The following REV3L variants were observed in gnomAD, a reference collection of about 807,000 sequenced individuals.
The protein encoded by REV3L is REV3 like, DNA directed polymerase zeta catalytic subunit, also known as DNA polymerase zeta catalytic subunit.
REV3L carries 69 observed loss-of-function variants against 299.4 expected under a neutral mutation model. That is an observed-to-expected ratio of 0.23 (90% CI 0.19 to 0.28). The LOEUF (loss-of-function observed/expected upper bound fraction) is 0.28. Among genes scored for constraint, REV3L ranks in the 10% least tolerant of loss-of-function variants. The pLI, the probability that REV3L is intolerant of heterozygous loss-of-function variation, is 1.00. For missense variants in REV3L, 3,128 were observed against 3,693.8 expected (o/e 0.85, Z 3.97); for synonymous variants, 1,238 against 1,271.4 (o/e 0.97, Z 0.56).
At chr6:111,343,671 A>G (rs1045534529) in intron 21 of REV3L, among the ~76,000 whole-genome samples, 5 of 152,318 alleles carry the variant, frequency 3.3e-5, no homozygotes, top group Admixed American at 1.3e-4. Flanking sequence ...CTGGGATTAC[A>G]GGCATGCATC....
At chr6:111,425,392 G>A (rs1179523154) in intron 1 of REV3L, among the ~76,000 whole-genome samples, 1 of 152,162 alleles carries the variant, frequency 6.6e-6, no homozygotes, top group Non-Finnish European at 1.5e-5. Context: ...CCGGCAGGCG[G>A]AGCTTGCAGT....
intron 10 of REV3L, 121 bp downstream of exon 10, chr6:111,381,202 TAG>T (rs1780794977): frequency 3.2e-6 from 3 of 949,706 alleles, no homozygotes; most frequent in Admixed American, 5.2e-5. Flanking sequence ...TCATATTCAG[TAG>T]AGTGTTTACT....
intron 26 of REV3L, among the ~76,000 whole-genome samples, chr6:111,316,217 C>A: frequency 1.4e-5 from 2 of 140,626 alleles, no homozygotes. Flanking sequence ...CAGCTTAGGA[C>A]TCCATCTAAA....
chr6:111,375,377 T>C lies in REV3L; in HGVS notation c.2978A>G (p.Lys993Arg). 6.3e-7 allele frequency: 1 copy of C among 1,594,460 alleles called. No individual in the cohort carries two copies. Among genetic ancestry groups the C allele is most frequent in the Non-Finnish European group, 8.5e-7 (1 of 1,173,964 alleles). The change falls in exon 13 of 32, where the codon AAG becomes AGG. Residue 993 changes from lysine (K) to arginine (R), a missense_variant. This residue lies in a region of REV3L where 2,409 missense variants were observed against 2,611.8 expected (regional missense o/e 0.92). Coordinates refer to ENST00000368802, the MANE Select transcript of REV3L (RefSeq NM_001372078.1). ...TTCTTTAGAGTCTATTTTTCCTAGCTTCACAAGCATATTTTTTCTCCCTCT... is the reference window on the plus strand; with the variant it reads ...TTCTTTAGAGTCTATTTTTCCTAGCCTCACAAGCATATTTTTTCTCCCTCT... ...RFRGRKNMLV[K>R]LGKIDSKEKQ...
At chr6:111,420,262 G>A (rs764019934) in intron 1 of REV3L, among the ~76,000 whole-genome samples, 18 of 152,268 alleles carry the variant, frequency 1.2e-4, no homozygotes, top group Middle Eastern at 3.4e-3. Flanking sequence ...CATAAAAATT[G>A]TACATATATA....
At chr6:111,351,635 G>T (rs1458542997) in intron 19 of REV3L, 41 bp downstream of exon 19, 2 of 1,433,532 alleles carry the variant, frequency 1.4e-6, no homozygotes, top group African/African-American at 1.4e-5. Flanking sequence ...TTTATAATTT[G>T]CTCTGTAGTT....
intron 1 of REV3L, among the ~76,000 whole-genome samples, chr6:111,450,555 T>C (rs1451711149): frequency 6.7e-6 from 1 of 148,822 alleles, no homozygotes; most frequent in Non-Finnish European, 1.5e-5. Context: ...GGCTTATATA[T>C]GTATAACTTA....
intron 2 of REV3L, among the ~76,000 whole-genome samples, chr6:111,414,356 A>G (rs17510562): frequency 0.012 from 1,792 of 152,238 alleles, 29 homozygotes; most frequent in African/African-American, 0.042. Flanking sequence ...CTTGGATAGC[A>G]GAGGAACTGA....
intron 27 of REV3L, among the ~76,000 whole-genome samples, 157 bp downstream of exon 27, chr6:111,315,110 G>A (rs1056804419): frequency 3.9e-5 from 6 of 152,090 alleles, no homozygotes; most frequent in Non-Finnish European, 7.4e-5. Flanking sequence ...TTGGCCTCCC[G>A]AAGTGCCAGG....
At position 111,476,349 on chromosome 6, in the gene REV3L, G is replaced by A. The variant is rs1228897338; in HGVS notation, c.139+6401C>T. Among the ~76,000 whole-genome samples, 6 of 152,046 alleles carry A rather than the reference G, an allele frequency of 3.9e-5. No individual in the cohort carries two copies. The East Asian group carries it at 9.6e-4, about 24-fold the overall frequency. On this transcript the variant is annotated intron_variant, in intron 1 of 31. Transcript: ENST00000368802. ...TTTTGTATTTTTTTGTAGAGATAGC[G>A]TCTTTCCATGTTGCCCAGGCTGGTC... is the stretch of plus-strand genomic sequence containing the variant.
At chr6:111,457,025 T>C (rs907413384) in intron 1 of REV3L, among the ~76,000 whole-genome samples, 6 of 152,136 alleles carry the variant, frequency 3.9e-5, no homozygotes, top group Non-Finnish European at 8.8e-5. Flanking sequence ...GTCTTAAATA[T>C]TTTATGCATT....
At chr6:111,333,471 G>A in intron 22 of REV3L, 104 bp from the exon 23 acceptor site, 1 of 1,310,004 alleles carries the variant, frequency 7.6e-7, no homozygotes, top group Middle Eastern at 2.2e-4. Flanking sequence ...GAATAAGATT[G>A]TATGACTTTT....
At chr6:111,400,491 A>G (rs1189466388) in intron 4 of REV3L, among the ~76,000 whole-genome samples, 1 of 152,136 alleles carries the variant, frequency 6.6e-6, no homozygotes, top group African/African-American at 2.4e-5. Flanking sequence ...TATAATGTTG[A>G]ATATCATCTT....
intron 26 of REV3L, among the ~76,000 whole-genome samples, chr6:111,317,295 AG>A (rs1210941978): frequency 1.3e-5 from 2 of 152,358 alleles, no homozygotes; most frequent in East Asian, 3.9e-4. Context: ...GGAAAAAAGT[AG>A]TTTATTCAAC....
chr6:111,364,698 T>C (rs1779034215), intron 15 of REV3L, among the ~76,000 whole-genome samples: 1 of 152,038 alleles, frequency 6.6e-6, no homozygotes, highest in Admixed American at 6.6e-5. Flanking sequence ...ATTTCTAGCA[T>C]ATATTTCCAA....
At chr6:111,467,931 A>G (rs758926948) in intron 1 of REV3L, among the ~76,000 whole-genome samples, 7 of 152,276 alleles carry the variant, frequency 4.6e-5, no homozygotes, top group Admixed American at 1.3e-4. Context: ...AAACACACAC[A>G]CAATGAAATT....
At chr6:111,392,274 G>A (rs1269239339) in intron 5 of REV3L, among the ~76,000 whole-genome samples, 1 of 152,070 alleles carries the variant, frequency 6.6e-6, no homozygotes, top group Non-Finnish European at 1.5e-5. Flanking sequence ...TCCTATGGAG[G>A]GGAAGTAGTT....
intron 19 of REV3L, among the ~76,000 whole-genome samples, chr6:111,350,281 C>T (rs1023889360): frequency 6.6e-6 from 1 of 152,060 alleles, no homozygotes; most frequent in African/African-American, 2.4e-5. Flanking sequence ...CCATGTACAA[C>T]CACTCACCCA....
At chr6:111,387,313 T>C (rs183239453) in intron 9 of REV3L, among the ~76,000 whole-genome samples, 40 of 152,330 alleles carry the variant, frequency 2.6e-4, no homozygotes, top group Middle Eastern at 3.4e-3. Context: ...TCCTGTGGAC[T>C]GATGGAAACA....
Sources: gnomAD v4.1 joint callset for allele counts (sites outside exome capture counted in the v4.1 genomes callset) on GRCh38, gnomAD v4.1.1 for gene constraint, gnomAD v4.1.1 regional missense constraint, MANE v1.5 for transcripts, NCBI Gene and HGNC (gene_info 2026-07-23, HGNC 2026-07-21) for gene names.